The following TANGO2 variants were observed in gnomAD, a reference collection of about 807,000 sequenced individuals.
The protein encoded by TANGO2 is transport and Golgi organization protein 2 homolog.
In TANGO2, 26 loss-of-function variants were observed where a neutral mutation model predicts 39.1. The observed-to-expected ratio is 0.67, with a 90% CI of 0.49 to 0.92. The LOEUF is 0.92. Among genes scored for constraint, TANGO2 ranks in the 40% least tolerant of loss-of-function variants. TANGO2 has a pLI of 0.00. For synonymous variants in TANGO2, 131 were observed against 144.5 expected (o/e 0.91, Z 0.67); for missense variants, 326 against 360.1 (o/e 0.91, Z 0.77).
upstream of TANGO2, among the ~76,000 whole-genome samples, chr22:20,017,467 C>T (rs1436856773): frequency 6.6e-5 from 10 of 152,224 alleles, no homozygotes; most frequent in South Asian, 6.2e-4. Context: ...GGAAGGGACC[C>T]CCTCGGTAAA....
intron 1 of TANGO2, among the ~76,000 whole-genome samples, chr22:20,022,517 T>C (rs1002733694): frequency 2.6e-5 from 4 of 152,208 alleles, no homozygotes; most frequent in African/African-American, 7.2e-5. Flanking sequence ...CTGCCTGCTG[T>C]GATGTGTGGT....
At chr22:20,056,987 G>A in intron 6 of TANGO2, 2 of 455,420 alleles carry the variant, frequency 4.4e-6, no homozygotes, top group Non-Finnish European at 8.8e-6. Flanking sequence ...CTGTGAGGGG[G>A]CTCCCTCACA....
Position 20,057,637 on chromosome 22 carries a change from G to A in TANGO2, c.451+1624G>A, listed in dbSNP as rs1173847520. On this transcript the variant is annotated intron_variant, in intron 6 of 8. Transcript: ENST00000327374. The surrounding 1 kb of genome is among the most constrained non-coding windows in gnomAD (Gnocchi z 4.1). ...CCCCAGAAGGTCCTGAGCTTGCAAAGGATTGTTCTGGCTGTCTCAGCCAGC... is the reference window on the plus strand; with the variant it reads ...CCCCAGAAGGTCCTGAGCTTGCAAAAGATTGTTCTGGCTGTCTCAGCCAGC... 3.3e-5 allele frequency among the ~76,000 whole-genome samples: 5 copies of A among 152,216 alleles called. No individual in the cohort carries two copies. The highest frequency in any genetic ancestry group is 2.0e-4 in the Admixed American group (3 of 15,286).
In TANGO2 at chr22:20,063,380, C is replaced by T. The variant is rs147638025; in HGVS notation, c.648C>T (p.Tyr216=). Residue 216 remains tyrosine (Y), a synonymous_variant, in exon 8 of 9, where the codon TAC becomes TAT. Transcript: ENST00000327374. The part of the protein sequence containing the change: ...DPAIEDQGGE[Y]VQPMLSKYAA... ...CCATCGAGGACCAGGGTGGGGAGTA[C>T]GTGCAGCCCATGCTGAGCAAGTACG... is the stretch of plus-strand genomic sequence containing the variant. 1.0e-4 allele frequency: 164 copies of T among 1,613,522 alleles called. No homozygotes were observed. The African/African-American group carries it at 2.0e-3, about 20-fold the overall frequency.
At chr22:20,046,912 T>C (rs1301442840) in intron 3 of TANGO2, among the ~76,000 whole-genome samples, 1 of 151,790 alleles carries the variant, frequency 6.6e-6, no homozygotes, top group African/African-American at 2.4e-5. Context: ...AGAAAAGAGG[T>C]TTATTTGGCT....
intron 3 of TANGO2, 99 bp downstream of exon 3, chr22:20,043,542 G>A: frequency 1.2e-6 from 1 of 831,336 alleles, no homozygotes; most frequent in South Asian, 1.6e-5. Flanking sequence ...GCTTCCAAGT[G>A]TGATGGCGGG....
In TANGO2 at chr22:20,036,865, C is replaced by T. The variant is rs767365528; in HGVS notation, c.56+11C>T. 3.2e-5 allele frequency: 51 copies of T among 1,614,128 alleles called. No individual in the cohort carries two copies. The highest frequency in any genetic ancestry group is 2.4e-4 in the East Asian group (11 of 44,904). ...CAAAAACGCGTACAGGTAACCCCCT[C>T]GCTCTGCATCTGCTGCGCCCTGCAG... On this transcript the variant is annotated intron_variant, in intron 2 of 8. Transcript: ENST00000327374.
At chr22:20,029,912 C>T (rs577538763) in intron 1 of TANGO2, among the ~76,000 whole-genome samples, 5 of 152,322 alleles carry the variant, frequency 3.3e-5, no homozygotes, top group East Asian at 1.9e-4. Flanking sequence ...ATCACAAAGG[C>T]GACCTCTTTT....
At chr22:20,024,687 G>A (rs1440090324) in intron 1 of TANGO2, among the ~76,000 whole-genome samples, 3 of 152,220 alleles carry the variant, frequency 2.0e-5, no homozygotes, top group Non-Finnish European at 4.4e-5. Flanking sequence ...ACCCTCCCAA[G>A]TGTCTAGGTC....
rs1243079379 is a variant in TANGO2 at position 20,057,172 on chromosome 22, C to T, written c.451+1159C>T. 6.6e-6 allele frequency among the ~76,000 whole-genome samples: 1 copy of T among 152,284 alleles called. No individual in the cohort carries two copies. The highest frequency in any genetic ancestry group is 1.9e-4 in the East Asian group (1 of 5,184). ...GCCCGAGGGAGATGATAAGCAGTCC[C>T]CAGGACAGCTGAGTGGCCCCATCCC... On this transcript the variant is annotated intron_variant, in intron 6 of 8. Transcript: ENST00000327374. This position sits in a 1 kb window ranked among gnomAD's most constrained non-coding sequence, Gnocchi z 4.1.
rs1386319046 is a variant in TANGO2 at position 20,064,797 on chromosome 22, T to C, written c.*135T>C. ...CAGCATCCCCCGGATCAGGGCCCTG[T>C]GGTTTGCGTGTTACCCATCTGTGTC... On this transcript the variant is annotated 3_prime_UTR_variant, in exon 9 of 9. Coordinates refer to ENST00000327374, the MANE Select transcript of TANGO2 (RefSeq NM_152906.7). 8.0e-6 allele frequency: 9 copies of C among 1,131,794 alleles called. No homozygotes were observed. The highest frequency in any genetic ancestry group is 2.7e-5 in the Admixed American group (1 of 37,092). The allele number at this position is 1,131,794 out of a possible 1,614,324, so 70.1% of individuals were successfully genotyped here. A position where few individuals can be genotyped will look rare whatever the true frequency, so the allele number is the denominator to read the frequency against.
chr22:20,036,808 ATCT>A lies in TANGO2; in HGVS notation c.15_17del (p.Phe6del), dbSNP rs1228744373. On this transcript the variant is annotated inframe_deletion, in exon 2 of 9. Coordinates refer to ENST00000327374, the MANE Select transcript of TANGO2 (RefSeq NM_152906.7). ...GCCGCCCTGCACCACCATGTGCATC[ATCT>A]TCTTTAAGTTTGATCCTCGCCCTGT... 1.9e-6 allele frequency: 3 copies of A among 1,614,194 alleles called. No homozygotes were observed. The African/African-American group carries it at 4.0e-5, about 22-fold the overall frequency.
At chr22:20,036,658 A>C in intron 1 of TANGO2, 102 bp from the exon 2 acceptor site, 1 of 992,530 alleles carries the variant, frequency 1.0e-6, no homozygotes, top group Non-Finnish European at 1.6e-6. Flanking sequence ...AGTAGTACAG[A>C]CACCACAGAG....
intron 2 of TANGO2, among the ~76,000 whole-genome samples, chr22:20,039,826 G>A (rs1178987650): frequency 6.6e-6 from 1 of 150,792 alleles, no homozygotes; most frequent in Admixed American, 6.6e-5. Flanking sequence ...CCCAGACAGT[G>A]CACACACTCA....
At chr22:20,050,982 C>G (rs1472433348) in intron 3 of TANGO2, among the ~76,000 whole-genome samples, 1 of 150,952 alleles carries the variant, frequency 6.6e-6, no homozygotes, top group African/African-American at 2.4e-5. Flanking sequence ...CTGCCTCAGC[C>G]TCCTAAGTAG....
intron 5 of TANGO2, 41 bp from the exon 6 acceptor site, chr22:20,055,902 C>T (rs758759689): frequency 1.3e-6 from 2 of 1,560,474 alleles, no homozygotes; most frequent in Non-Finnish European, 1.8e-6. Context: ...GGGAGGACGC[C>T]CTATGGCTGT....
intron 1 of TANGO2, among the ~76,000 whole-genome samples, chr22:20,035,245 G>A (rs1227776897): frequency 6.6e-6 from 1 of 152,258 alleles, no homozygotes; most frequent in African/African-American, 2.4e-5. Context: ...CCTCACTGGA[G>A]CAGATGGTCC....
chr22:20,051,518 C>T (rs369402823), intron 3 of TANGO2, among the ~76,000 whole-genome samples: 11 of 151,330 alleles, frequency 7.3e-5, no homozygotes, highest in East Asian at 3.9e-4. Context: ...GCAACAAGAG[C>T]GAAACTCTGT....
At chr22:20,026,471 G>A (rs1490072226) in intron 1 of TANGO2, among the ~76,000 whole-genome samples, 1 of 152,176 alleles carries the variant, frequency 6.6e-6, no homozygotes, top group Non-Finnish European at 1.5e-5. Flanking sequence ...CTCATTTTGG[G>A]ACAGGGAGGG....
Sources: allele counts gnomAD v4.1 joint callset (sites outside exome capture counted in the v4.1 genomes callset), GRCh38; gene constraint gnomAD v4.1.1; non-coding constraint Gnocchi (gnomAD v3.1); transcripts MANE v1.5; gene names NCBI Gene and HGNC (gene_info 2026-07-23, HGNC 2026-07-21).